FLVCR2: variants seen among roughly 807,000 people sequenced by gnomAD.
The protein encoded by FLVCR2 is FLVCR choline and putative heme transporter 2.
Under a neutral mutation model 48.9 loss-of-function variants are expected in FLVCR2, and 38 were observed. The observed-to-expected ratio is 0.78, with a 90% confidence interval of 0.60 to 1.02. The LOEUF (loss-of-function observed/expected upper bound fraction) is 1.02. Ranked by LOEUF, FLVCR2 falls within the 50% of genes least tolerant of loss-of-function variation. The pLI is 0.00. For synonymous variants in FLVCR2, 255 were observed against 257.0 expected (o/e 0.99, Z 0.07); for missense variants, 664 against 663.3 (o/e 1.00, Z -0.01).
intron 1 of FLVCR2, among the ~76,000 whole-genome samples, chr14:75,617,087 G>C (rs1889638418): frequency 6.6e-6 from 1 of 152,216 alleles, no homozygotes. Context: ...GATGGTGGAA[G>C]AGGATGGGAA....
chr14:75,624,862 T>G (rs1193061298), intron 3 of FLVCR2, 110 bp downstream of exon 3: 3 of 1,372,142 alleles, frequency 2.2e-6, no homozygotes, highest in Non-Finnish European at 3.1e-6. Flanking sequence ...CATGTAAAGC[T>G]GTTGTCTAGG....
At chr14:75,609,394 G>T (rs1417050005) in intron 1 of FLVCR2, among the ~76,000 whole-genome samples, 1 of 152,146 alleles carries the variant, frequency 6.6e-6, no homozygotes, top group Non-Finnish European at 1.5e-5. Context: ...TAAATAACAG[G>T]GCCAGATCTA....
At chr14:75,641,405 T>C in intron 8 of FLVCR2, 112 bp downstream of exon 8, 1 of 750,836 alleles carries the variant, frequency 1.3e-6, no homozygotes, top group Non-Finnish European at 2.4e-6. Context: ...ATGGAAGGGT[T>C]TGTTGGGGAA....
At chr14:75,584,169 C>A (rs896840179) in intron 1 of FLVCR2, among the ~76,000 whole-genome samples, 7 of 152,306 alleles carry the variant, frequency 4.6e-5, no homozygotes, top group Non-Finnish European at 8.8e-5. Context: ...TTTGAAGGTG[C>A]CCCTGGGAGC....
At chr14:75,634,478 C>T (rs977915479) in intron 4 of FLVCR2, among the ~76,000 whole-genome samples, 4 of 151,976 alleles carry the variant, frequency 2.6e-5, no homozygotes, top group Non-Finnish European at 5.9e-5. Flanking sequence ...AGTAAGCACT[C>T]AAAAATATAT....
Position 75,579,619 on chromosome 14 carries a change from C to A in FLVCR2, c.647C>A (p.Ser216Tyr). The change falls in exon 1 of 10, where the codon TCC becomes TAC. Residue 216 changes from serine (S) to tyrosine (Y), a missense_variant. Transcript: ENST00000238667. Reference protein sequence around the residue: ...FGANEVSTACSVAVFGNQLGI... With the variant: ...FGANEVSTACYVAVFGNQLGI... Reference sequence around the variant, plus strand: ...GCTAATGAGGTTTCAACAGCCTGCTCCGTGGCTGTCTTTGGCAATCAGGTA... The same window carrying A: ...GCTAATGAGGTTTCAACAGCCTGCTACGTGGCTGTCTTTGGCAATCAGGTA... 2 of 1,614,112 alleles carry A rather than the reference C, an allele frequency of 1.2e-6. No homozygotes were observed. Among genetic ancestry groups the A allele is most frequent in the South Asian group, 1.1e-5 (1 of 91,064 alleles).
At chr14:75,619,188 C>G (rs1381102553) in intron 1 of FLVCR2, among the ~76,000 whole-genome samples, 1 of 152,072 alleles carries the variant, frequency 6.6e-6, no homozygotes, top group East Asian at 1.9e-4. Context: ...GATCATGCCA[C>G]TGCACTCCGT....
intron 1 of FLVCR2, among the ~76,000 whole-genome samples, chr14:75,616,457 A>G (rs1317624991): frequency 6.6e-6 from 1 of 152,190 alleles, no homozygotes; most frequent in Non-Finnish European, 1.5e-5. Context: ...GGTGCAAAGA[A>G]AGCAGCTGGC....
At chr14:75,645,750 T>C (rs547688747) in intron 9 of FLVCR2, among the ~76,000 whole-genome samples, 25 of 152,172 alleles carry the variant, frequency 1.6e-4, no homozygotes, top group African/African-American at 6.0e-4. Context: ...AAAACCTGTT[T>C]GTACTAAAAA....
Position 75,648,012 on chromosome 14 carries a change from C to CT in FLVCR2, c.*1543dup, listed in dbSNP as rs1353983573. The CT allele has an allele frequency of 6.5e-6, 1 of 152,828 alleles. No homozygotes were observed. The highest frequency in any genetic ancestry group is 1.5e-5 in the Non-Finnish European group (1 of 68,032). The allele number at this position is 152,828 out of a possible 1,614,324, so 9.5% of individuals were successfully genotyped here. ...AGTGTGGAAGAGAGGTGAGGGTGTG[C>CT]TTTACTTTTTGATAAAGAGAAAGAT... On this transcript the variant is annotated 3_prime_UTR_variant, in exon 10 of 10. Transcript: ENST00000238667.
At position 75,635,017 on chromosome 14, in the gene FLVCR2, A is replaced by G. The variant is rs1890131531; in HGVS notation, c.1124+4A>G. ...TGGATAGGTCCAAAACCTACAAGTA[A>G]GTGACTCATCCTCTTGGACTGAGAA... On this transcript the variant is annotated splice_donor_region_variant and intron_variant, in intron 5 of 9. Coordinates refer to ENST00000238667, the MANE Select transcript of FLVCR2 (RefSeq NM_017791.3). The G allele has an allele frequency of 6.3e-7, 1 of 1,577,354 alleles. No individual in the cohort carries two copies. Among genetic ancestry groups the G allele is most frequent in the African/African-American group, 1.3e-5 (1 of 74,240 alleles).
chr14:75,637,079 T>A (rs886231823), intron 5 of FLVCR2, among the ~76,000 whole-genome samples: 1 of 152,182 alleles, frequency 6.6e-6, no homozygotes, highest in African/African-American at 2.4e-5. Flanking sequence ...CCTTGAGCTT[T>A]TCCAAAGATG....
chr14:75,627,481 G>A (rs1889931042), intron 3 of FLVCR2, among the ~76,000 whole-genome samples: 1 of 152,150 alleles, frequency 6.6e-6, no homozygotes, highest in African/African-American at 2.4e-5. Context: ...CCCTACTACA[G>A]CCTTGCAGCC....
intron 1 of FLVCR2, among the ~76,000 whole-genome samples, chr14:75,600,558 A>C (rs1215786324): frequency 6.6e-6 from 1 of 152,216 alleles, no homozygotes; most frequent in African/African-American, 2.4e-5. Context: ...ACATCGTTAT[A>C]CTATATTCAA....
intron 1 of FLVCR2, among the ~76,000 whole-genome samples, chr14:75,584,664 C>G (rs1012510983): frequency 1.3e-5 from 2 of 152,202 alleles, no homozygotes; most frequent in African/African-American, 2.4e-5. Flanking sequence ...GGGAACTGCT[C>G]TAATGCTTCC....
At position 75,639,427 on chromosome 14, in the gene FLVCR2, C is replaced by T. The variant is rs371347405; in HGVS notation, c.1200C>T (p.His400=). 1.8e-5 allele frequency: 29 copies of T among 1,613,628 alleles called. No homozygotes were observed. The African/African-American group carries it at 2.4e-4, about 13-fold the overall frequency. The change falls in exon 6 of 10, where the codon CAC becomes CAT. Residue 400 remains histidine, a synonymous_variant. Transcript: ENST00000238667. ...ACACGTTTACCTTGAACCTGGGACA[C>T]CTGTGGGTAGTGTTCATCACTGCTG... ...VVYTFTLNLG[H]LWVVFITAGT... is the part of the protein sequence containing the mutation.
intron 9 of FLVCR2, among the ~76,000 whole-genome samples, chr14:75,645,665 C>T (rs956725910): frequency 2.0e-5 from 3 of 152,210 alleles, no homozygotes; most frequent in Non-Finnish European, 2.9e-5. Context: ...CGCCTGTAAT[C>T]CCAGCACTTT....
At chr14:75,645,191 G>C (rs529660468) in intron 9 of FLVCR2, among the ~76,000 whole-genome samples, 2 of 152,076 alleles carry the variant, frequency 1.3e-5, no homozygotes, top group East Asian at 1.9e-4. Flanking sequence ...AGAATGGGAA[G>C]GTTGGATTCT....
intron 1 of FLVCR2, among the ~76,000 whole-genome samples, chr14:75,598,752 A>C (rs80043180): frequency 0.04 from 6,108 of 152,342 alleles, 228 homozygotes; most frequent in Admixed American, 0.11. Context: ...CTGGGATTAC[A>C]GGCATGAGCT....
Sources: allele counts gnomAD v4.1 joint callset (sites outside exome capture counted in the v4.1 genomes callset), GRCh38; gene constraint gnomAD v4.1.1; transcripts MANE v1.5; gene names NCBI Gene and HGNC (gene_info 2026-07-23, HGNC 2026-07-21).